MIS18A: variants seen among roughly 807,000 people sequenced by gnomAD.
The protein encoded by MIS18A is MIS18 kinetochore protein A.
In MIS18A, 14 loss-of-function variants were observed where a neutral mutation model predicts 25.0. The ratio of observed to expected loss-of-function variants is 0.56; its 90% CI spans 0.37 to 0.88. The LOEUF is 0.88. MIS18A is among the 40% of genes least tolerant of loss of function. MIS18A has a pLI of 0.00. For synonymous variants in MIS18A, 134 were observed against 118.6 expected (o/e 1.13, Z -0.84); for missense variants, 292 against 290.8 (o/e 1.00, Z -0.03).
chr21:32,246,440 T>C, the MIS18A span, among the ~76,000 whole-genome samples: 1 of 152,134 alleles, frequency 6.6e-6, no homozygotes, highest in African/African-American at 2.4e-5. Context: ...CGAGGCACAT[T>C]CTCCTCTCCT....
the MIS18A span, among the ~76,000 whole-genome samples, chr21:32,185,979 T>A: frequency 6.6e-6 from 1 of 152,148 alleles, no homozygotes; most frequent in Non-Finnish European, 1.5e-5. Flanking sequence ...CCCTTCAGCC[T>A]CATTATCATG....
chr21:32,252,857 C>G, the MIS18A span, among the ~76,000 whole-genome samples: 1 of 152,216 alleles, frequency 6.6e-6, no homozygotes, highest in African/African-American at 2.4e-5. Flanking sequence ...CAGAGAATGA[C>G]TGTGAAATTT....
At position 32,269,786 on chromosome 21, in the gene MIS18A, G is replaced by C; in HGVS notation, c.542C>G (p.Ser181Cys). Reference sequence around the variant, plus strand: ...ATCTTCTGACACAATTTGCTTTTCAGAGGACCCTAAAACATAACTGAAGTA... The same window carrying C: ...ATCTTCTGACACAATTTGCTTTTCACAGGACCCTAAAACATAACTGAAGTA... ...EAIESYVLGS[S>C]EKQIVSEDKE... Residue 181 changes from serine to cysteine, a missense_variant, in exon 4 of 5, where the codon TCT becomes TGT. Ser to Cys is a moderately radical substitution (Grantham distance 112, BLOSUM62 -1). Transcript: ENST00000290130. The C allele has an allele frequency of 6.2e-7, 1 of 1,607,802 alleles. No homozygotes were observed. The highest frequency in any genetic ancestry group is 1.7e-4 in the Middle Eastern group (1 of 6,054).
the MIS18A span, among the ~76,000 whole-genome samples, chr21:32,220,718 A>T: frequency 2.6e-4 from 39 of 152,188 alleles, no homozygotes; most frequent in Non-Finnish European, 4.7e-4. Context: ...AATCCAAGGA[A>T]GCTAAGAACC....
At chr21:32,271,666 G>T (rs1025568773) in intron 2 of MIS18A, among the ~76,000 whole-genome samples, 1 of 152,032 alleles carries the variant, frequency 6.6e-6, no homozygotes, top group Non-Finnish European at 1.5e-5. Context: ...GGCTGGTCTC[G>T]AACTCCTAGC....
chr21:32,246,154 C>T, the MIS18A span, among the ~76,000 whole-genome samples: 1,667 of 152,186 alleles, frequency 0.011, 26 homozygotes, highest in African/African-American at 0.037. Flanking sequence ...ATGAGAAATC[C>T]GCCCCATCAT....
chr21:32,242,676 AT>A, the MIS18A span, among the ~76,000 whole-genome samples: 8 of 152,270 alleles, frequency 5.3e-5, no homozygotes, highest in South Asian at 1.7e-3. Context: ...CCCCACAAAT[AT>A]GATTGAGCAC....
At chr21:32,194,266 A>G in the MIS18A span, among the ~76,000 whole-genome samples, 22,850 of 152,184 alleles carry the variant, frequency 0.15, 1,824 homozygotes, top group East Asian at 0.24. Flanking sequence ...CCCAATGGCA[A>G]AGTCATAGAA....
the MIS18A span, among the ~76,000 whole-genome samples, chr21:32,258,867 TTTATTTATTTACTTAC>T: frequency 1.2e-4 from 15 of 122,626 alleles, no homozygotes; most frequent in African/African-American, 5.6e-4. Flanking sequence ...TATTTATTTA[TTTATTTATTTACTTAC>T]TTACTTACTT....
At chr21:32,218,368 G>A in the MIS18A span, among the ~76,000 whole-genome samples, 2 of 152,126 alleles carry the variant, frequency 1.3e-5, no homozygotes, top group Admixed American at 6.5e-5. Context: ...AGATAACTAC[G>A]TAGTAAGTAT....
chr21:32,217,039 T>A, the MIS18A span, among the ~76,000 whole-genome samples: 1 of 152,096 alleles, frequency 6.6e-6, no homozygotes, highest in Non-Finnish European at 1.5e-5. Context: ...TCATATTATA[T>A]TATGTAAAAA....
chr21:32,252,183 C>T, the MIS18A span, among the ~76,000 whole-genome samples: 5 of 130,860 alleles, frequency 3.8e-5, no homozygotes, highest in Non-Finnish European at 7.8e-5. Context: ...GAGATCCTGT[C>T]TCAAAAAAAG....
chr21:32,199,914 G>GT, the MIS18A span, among the ~76,000 whole-genome samples: 2 of 152,256 alleles, frequency 1.3e-5, no homozygotes, highest in African/African-American at 4.8e-5. Flanking sequence ...CTGACTGCCA[G>GT]TTGATTCATA....
chr21:32,220,039 G>GT, the MIS18A span, among the ~76,000 whole-genome samples: 2 of 152,246 alleles, frequency 1.3e-5, no homozygotes, highest in African/African-American at 4.8e-5. Context: ...AGGGGCGGCT[G>GT]TGGGTGCATC....
the MIS18A span, among the ~76,000 whole-genome samples, chr21:32,245,446 C>T: frequency 5.3e-5 from 8 of 152,170 alleles, 1 homozygote; most frequent in Admixed American, 5.2e-4. Flanking sequence ...AGATGTCCAA[C>T]AGAGGGACGA....
chr21:32,174,259 T>G, the MIS18A span, among the ~76,000 whole-genome samples: 1 of 152,142 alleles, frequency 6.6e-6, no homozygotes, highest in African/African-American at 2.4e-5. Flanking sequence ...CCTTTTTAAG[T>G]AATTTTTAAT....
the MIS18A span, among the ~76,000 whole-genome samples, chr21:32,262,451 C>T: frequency 1.3e-5 from 2 of 152,132 alleles, no homozygotes; most frequent in African/African-American, 2.4e-5. Flanking sequence ...CTCAAGAAGC[C>T]CCCAAAATGA....
At chr21:32,216,191 C>T in the MIS18A span, among the ~76,000 whole-genome samples, 1 of 152,146 alleles carries the variant, frequency 6.6e-6, no homozygotes, top group East Asian at 1.9e-4. Context: ...AAATAGAAAG[C>T]TTTGTGGTAT....
intron 2 of MIS18A, among the ~76,000 whole-genome samples, chr21:32,272,577 T>C (rs2031733359): frequency 6.6e-6 from 1 of 152,250 alleles, no homozygotes; most frequent in South Asian, 2.1e-4. Context: ...AATCTTTTAA[T>C]AGTAACAGAA....
Sources: gnomAD v4.1 joint callset for allele counts (sites outside exome capture counted in the v4.1 genomes callset) on GRCh38, gnomAD v4.1.1 for gene constraint, MANE v1.5 for transcripts, NCBI Gene and HGNC (gene_info 2026-07-23, HGNC 2026-07-21) for gene names.